Variants in KHDRBS2 observed in about 807,000 individuals in gnomAD.
KHDRBS2 encodes the protein KH RNA binding domain containing, signal transduction associated 2.
KHDRBS2 carries 26 observed loss-of-function variants against 44.3 expected under a neutral mutation model. That is an observed-to-expected ratio of 0.59 (90% CI 0.43 to 0.81). The LOEUF (loss-of-function observed/expected upper bound fraction) is 0.81. Ranked by LOEUF, KHDRBS2 falls within the 40% of genes least tolerant of loss-of-function variation. The pLI, the probability that KHDRBS2 is intolerant of heterozygous loss-of-function variation, is 0.00. For synonymous variants in KHDRBS2, 194 were observed against 151.1 expected (o/e 1.28, Z -2.08); for missense variants, 476 against 433.1 (o/e 1.10, Z -0.88).
chr6:61,816,831 G>A (rs1646800129), intron 6 of KHDRBS2: 3 of 391,612 alleles, frequency 7.7e-6, no homozygotes, highest in African/African-American at 2.1e-5. Context: ...ATATTTTAGT[G>A]TGAAAAATAT....
intron 4 of KHDRBS2, among the ~76,000 whole-genome samples, chr6:61,926,750 A>G (rs1454716864): frequency 2.6e-5 from 4 of 152,132 alleles, no homozygotes. Context: ...AGATAATTTG[A>G]AACAAGAGTT....
At chr6:61,555,642 C>G in the KHDRBS2 span, among the ~76,000 whole-genome samples, 1 of 152,200 alleles carries the variant, frequency 6.6e-6, no homozygotes, top group Non-Finnish European at 1.5e-5. Flanking sequence ...TAGGCTGATG[C>G]TCCTTCAACT....
intron 3 of KHDRBS2, among the ~76,000 whole-genome samples, chr6:62,030,450 C>G (rs1784143020): frequency 6.6e-6 from 1 of 151,870 alleles, no homozygotes; most frequent in Admixed American, 6.6e-5. Context: ...CTTCATTTTT[C>G]TAATAAATCT....
At chr6:61,930,653 C>T (rs543409182) in intron 4 of KHDRBS2, among the ~76,000 whole-genome samples, 3 of 145,884 alleles carry the variant, frequency 2.1e-5, no homozygotes, top group South Asian at 2.2e-4. Context: ...GCCAAGATGG[C>T]GCCACTGCAC....
chr6:62,082,527 C>T (rs531066255), intron 2 of KHDRBS2, among the ~76,000 whole-genome samples: 11 of 152,148 alleles, frequency 7.2e-5, no homozygotes, highest in South Asian at 2.1e-4. Context: ...TTCATGGAAA[C>T]GATTTCATAC....
At chr6:61,688,662 T>G (rs952811026) in intron 8 of KHDRBS2, among the ~76,000 whole-genome samples, 9 of 151,886 alleles carry the variant, frequency 5.9e-5, no homozygotes, top group African/African-American at 2.2e-4. Context: ...TTATAGCAAT[T>G]AGAGAAAATC....
intron 4 of KHDRBS2, among the ~76,000 whole-genome samples, chr6:61,927,614 G>C (rs1809222554): frequency 1.3e-5 from 2 of 152,100 alleles, no homozygotes; most frequent in Non-Finnish European, 2.9e-5. Flanking sequence ...GTAAAGAACT[G>C]ATTGCCCAAA....
intron 1 of KHDRBS2, among the ~76,000 whole-genome samples, chr6:62,269,465 C>T (rs537299701): frequency 3.8e-4 from 58 of 152,044 alleles, no homozygotes; most frequent in African/African-American, 1.4e-3. Context: ...AAATGAGCCC[C>T]CCAAAAGCAC....
intron 2 of KHDRBS2, among the ~76,000 whole-genome samples, chr6:62,143,430 A>T (rs1208990669): frequency 6.6e-6 from 1 of 152,034 alleles, no homozygotes; most frequent in Non-Finnish European, 1.5e-5. Flanking sequence ...AAAGACAGCA[A>T]TCTATTTCAT....
chr6:61,672,272 T>C, the KHDRBS2 span, among the ~76,000 whole-genome samples: 1 of 152,000 alleles, frequency 6.6e-6, no homozygotes, highest in South Asian at 2.1e-4. Context: ...TGGTTCCAAG[T>C]CTTTGCTAAT....
At chr6:61,934,806 C>A (rs1242891485) in intron 4 of KHDRBS2, among the ~76,000 whole-genome samples, 2 of 152,192 alleles carry the variant, frequency 1.3e-5, no homozygotes, top group South Asian at 2.1e-4. Flanking sequence ...AAAAACAATT[C>A]AGGAGATTGA....
chr6:62,089,402 A>T (rs1799071156), intron 2 of KHDRBS2, among the ~76,000 whole-genome samples: 1 of 151,874 alleles, frequency 6.6e-6, no homozygotes, highest in Non-Finnish European at 1.5e-5. Context: ...GGTTGCGAAG[A>T]CTCTGGGAAA....
At chr6:62,004,381 G>T (rs189134398) in intron 3 of KHDRBS2, among the ~76,000 whole-genome samples, 6 of 152,046 alleles carry the variant, frequency 3.9e-5, no homozygotes, top group African/African-American at 1.4e-4. Context: ...ACACCTCTTC[G>T]CAAATAAGCT....
Position 62,242,268 on chromosome 6 carries a change from C to T in KHDRBS2, c.91+43590G>A, listed in dbSNP as rs186814669. On this transcript the variant is annotated intron_variant, in intron 1 of 8. Coordinates refer to ENST00000281156, the MANE Select transcript of KHDRBS2 (RefSeq NM_152688.4). Reference sequence around the variant, plus strand: ...TTCTATCTATATCAGCCTAAAGCAGCCCGGACTATCAAAATCTTAAAATCA... The same window carrying T: ...TTCTATCTATATCAGCCTAAAGCAGTCCGGACTATCAAAATCTTAAAATCA... Among the ~76,000 whole-genome samples, 489 of 152,198 alleles carry T rather than the reference C, an allele frequency of 3.2e-3. 5 individuals are homozygous for T. The highest frequency in any genetic ancestry group is 0.011 in the African/African-American group (457 of 41,550).
the KHDRBS2 span, among the ~76,000 whole-genome samples, chr6:61,623,998 C>G: frequency 1.3e-5 from 2 of 152,128 alleles, no homozygotes; most frequent in Non-Finnish European, 2.9e-5. Context: ...TATACAAATT[C>G]TTGGCTAGAA....
At chr6:61,557,730 C>CT in the KHDRBS2 span, among the ~76,000 whole-genome samples, 1 of 152,138 alleles carries the variant, frequency 6.6e-6, no homozygotes, top group African/African-American at 2.4e-5. Flanking sequence ...TTAACAACAA[C>CT]TGAATTTGGT....
At chr6:62,061,002 CT>C (rs1246642152) in intron 2 of KHDRBS2, among the ~76,000 whole-genome samples, 2 of 151,674 alleles carry the variant, frequency 1.3e-5, no homozygotes, top group East Asian at 2.0e-4. Flanking sequence ...CAACCCTTGC[CT>C]TTTTTTGTTT....
At chr6:61,670,522 C>A in the KHDRBS2 span, among the ~76,000 whole-genome samples, 1 of 151,396 alleles carries the variant, frequency 6.6e-6, no homozygotes, top group Admixed American at 6.6e-5. Context: ...AAAAATTCAA[C>A]ATTAATTTCA....
intron 6 of KHDRBS2, among the ~76,000 whole-genome samples, chr6:61,802,340 C>T (rs1786416131): frequency 6.6e-6 from 1 of 152,032 alleles, no homozygotes; most frequent in African/African-American, 2.4e-5. Flanking sequence ...ATTTGGCATG[C>T]AACAATAGAA....
Sources: gnomAD v4.1 joint callset for allele counts (sites outside exome capture counted in the v4.1 genomes callset) on GRCh38, gnomAD v4.1.1 for gene constraint, MANE v1.5 for transcripts, NCBI Gene and HGNC (gene_info 2026-07-23, HGNC 2026-07-21) for gene names.